The following HECW1 variants were observed in gnomAD, a reference collection of about 807,000 sequenced individuals.
HECW1 encodes HECT, C2 and WW domain containing E3 ubiquitin protein ligase 1, also known as E3 ubiquitin-protein ligase HECW1.
Under a neutral mutation model 182.3 loss-of-function variants are expected in HECW1, and 61 were observed. The observed-to-expected ratio is 0.33, with a 90% CI of 0.27 to 0.41. The LOEUF (loss-of-function observed/expected upper bound fraction) is 0.41, where lower values mean the gene tolerates loss of function less well. Ranked by LOEUF, HECW1 falls within the 10% of genes least tolerant of loss-of-function variation. The pLI is 1.00. For missense variants in HECW1, 1,739 were observed against 2,108.9 expected (o/e 0.82, Z 3.44); for synonymous variants, 859 against 832.6 (o/e 1.03, Z -0.55).
At chr7:43,246,992 T>C (rs773618947) in intron 3 of HECW1, among the ~76,000 whole-genome samples, 1 of 152,012 alleles carries the variant, frequency 6.6e-6, no homozygotes, top group Non-Finnish European at 1.5e-5. Flanking sequence ...CCTCCATACA[T>C]AGGTGGAGTG....
At chr7:43,521,460 G>A (rs1468163779) in intron 24 of HECW1, among the ~76,000 whole-genome samples, 1 of 152,232 alleles carries the variant, frequency 6.6e-6, no homozygotes, top group Non-Finnish European at 1.5e-5. Context: ...AAGTATTTCT[G>A]TAGGCCTAGA....
At chr7:43,269,005 T>C (rs1310544517) in intron 3 of HECW1, among the ~76,000 whole-genome samples, 1 of 152,100 alleles carries the variant, frequency 6.6e-6, no homozygotes, top group African/African-American at 2.4e-5. Context: ...TTATGTTCAT[T>C]TTTTTAAGTA....
chr7:43,555,643 G>A (rs1007675294), intron 29 of HECW1, among the ~76,000 whole-genome samples: 1 of 152,192 alleles, frequency 6.6e-6, no homozygotes, highest in Non-Finnish European at 1.5e-5. Flanking sequence ...GGATTTACTG[G>A]ACTATAGCTT....
At chr7:43,398,834 C>T (rs2075314633) in intron 7 of HECW1, among the ~76,000 whole-genome samples, 1 of 151,986 alleles carries the variant, frequency 6.6e-6, no homozygotes, top group South Asian at 2.1e-4. Flanking sequence ...GAGTAGGGGC[C>T]AGTTAGTCAG....
At chr7:43,114,516 A>G in intron 2 of HECW1, 125 bp downstream of exon 2, 1 of 838,192 alleles carries the variant, frequency 1.2e-6, no homozygotes, top group Non-Finnish European at 1.6e-6. Context: ...AGATTGTGGT[A>G]GAATTCCCTG....
intron 2 of HECW1, among the ~76,000 whole-genome samples, chr7:43,176,788 A>G (rs1250627445): frequency 6.6e-6 from 1 of 152,206 alleles, no homozygotes; most frequent in East Asian, 1.9e-4. Flanking sequence ...TTTTGGGGAC[A>G]CATTCAAACC....
intron 2 of HECW1, among the ~76,000 whole-genome samples, chr7:43,124,018 G>A (rs916253273): frequency 6.6e-6 from 1 of 152,246 alleles, no homozygotes. Flanking sequence ...CTACAGGTGT[G>A]GGAGTGATTG....
intron 16 of HECW1, among the ~76,000 whole-genome samples, chr7:43,477,108 T>G (rs1484698784): frequency 2.0e-5 from 3 of 152,138 alleles, no homozygotes. Context: ...TTTTGTAGAT[T>G]CCCTGGGAAA....
At chr7:43,285,741 C>T (rs986470003) in intron 3 of HECW1, among the ~76,000 whole-genome samples, 1 of 151,938 alleles carries the variant, frequency 6.6e-6, no homozygotes, top group African/African-American at 2.4e-5. Flanking sequence ...CTGCAGTGAG[C>T]CGTAATTGCA....
chr7:43,214,466 CAT>C (rs2152697526), intron 2 of HECW1, among the ~76,000 whole-genome samples: 1 of 152,252 alleles, frequency 6.6e-6, no homozygotes, highest in South Asian at 2.1e-4. Flanking sequence ...ACTAGAGTTT[CAT>C]GTGTGTGTCT....
intron 5 of HECW1, among the ~76,000 whole-genome samples, chr7:43,332,809 T>G (rs778041502): frequency 5.3e-5 from 8 of 152,214 alleles, no homozygotes; most frequent in Non-Finnish European, 1.5e-5. Context: ...CCAATGTACC[T>G]GGCATCATGC....
rs1230015738 is a variant in HECW1 at position 43,263,103 on chromosome 7, C to A, written c.27+19171C>A. On this transcript the variant is annotated intron_variant, in intron 3 of 29. Coordinates refer to ENST00000395891, the MANE Select transcript of HECW1 (RefSeq NM_015052.5). ...CATTTTCCGCAATTACTTACCTGTG[C>A]GATGAAAAGAATACAGTTCAATTTC... Among the ~76,000 whole-genome samples, 5 of 152,036 alleles carry A rather than the reference C, an allele frequency of 3.3e-5. No individual in the cohort carries two copies. In the South Asian group the frequency reaches 1.0e-3, roughly 32 times the overall value.
chr7:43,462,006 T>A (rs891102658), intron 13 of HECW1, among the ~76,000 whole-genome samples: 1 of 152,236 alleles, frequency 6.6e-6, no homozygotes, highest in African/African-American at 2.4e-5. Context: ...ATGATGCTCT[T>A]GCAAATGGCT....
intron 3 of HECW1, among the ~76,000 whole-genome samples, chr7:43,306,046 C>T (rs1337479895): frequency 1.3e-5 from 2 of 152,148 alleles, no homozygotes; most frequent in Non-Finnish European, 2.9e-5. Context: ...AGGTGTGAGC[C>T]ACCCTGCCCA....
intron 16 of HECW1, among the ~76,000 whole-genome samples, chr7:43,474,403 G>T (rs1340586113): frequency 2.6e-5 from 4 of 151,986 alleles, no homozygotes; most frequent in African/African-American, 9.7e-5. Context: ...GAGCCGAGAT[G>T]GCGCCACTGC....
At chr7:43,554,202 C>G (rs1177596077) in intron 28 of HECW1, among the ~76,000 whole-genome samples, 1 of 152,212 alleles carries the variant, frequency 6.6e-6, no homozygotes, top group Non-Finnish European at 1.5e-5. Flanking sequence ...AGAGCTAAGA[C>G]AGCAAAACAA....
At chr7:43,160,477 A>G (rs376524069) in intron 2 of HECW1, among the ~76,000 whole-genome samples, 1 of 152,052 alleles carries the variant, frequency 6.6e-6, no homozygotes, top group East Asian at 1.9e-4. Context: ...CTTTATTTTG[A>G]TAAAAGAGAG....
At chr7:43,345,224 A>T (rs34340104) in intron 5 of HECW1, among the ~76,000 whole-genome samples, 18,839 of 152,208 alleles carry the variant, frequency 0.12, 1,585 homozygotes, top group Non-Finnish European at 0.19. Flanking sequence ...TATGTAACAT[A>T]CAACCCAAGT....
chr7:43,517,716 C>A (rs1260578444), intron 24 of HECW1, among the ~76,000 whole-genome samples: 1 of 152,096 alleles, frequency 6.6e-6, no homozygotes, highest in Non-Finnish European at 1.5e-5. Flanking sequence ...TAAGCCCCAG[C>A]CCCAGCCCTA....
Sources: gnomAD v4.1 joint callset for allele counts (sites outside exome capture counted in the v4.1 genomes callset) on GRCh38, gnomAD v4.1.1 for gene constraint, MANE v1.5 for transcripts, NCBI Gene and HGNC (gene_info 2026-07-23, HGNC 2026-07-21) for gene names.